The following GCFC2 variants were observed in gnomAD, a reference collection of about 807,000 sequenced individuals.
GCFC2 encodes the protein intron Large complex component GCFC2.
In GCFC2, 102 loss-of-function variants were observed where a neutral mutation model predicts 99.4. That is an observed-to-expected ratio of 1.03 (90% CI 0.87 to 1.21). The LOEUF is 1.21. GCFC2 is among the 50% of genes most tolerant of loss of function. GCFC2 has a pLI of 0.00. For synonymous variants in GCFC2, 338 were observed against 316.8 expected, an observed-to-expected ratio of 1.07 and a Z score of -0.71; for missense variants, 973 against 920.9, an observed-to-expected ratio of 1.06 and a Z score of -0.73.
intron 12 of GCFC2, chr2:75,679,914 T>C (rs922159734): frequency 1.4e-5 from 6 of 416,296 alleles, no homozygotes; most frequent in Admixed American, 8.3e-5. Context: ...TAATTTAAAA[T>C]GATTACCACT....
At position 75,690,058 on chromosome 2, in the gene GCFC2, AC is replaced by A; in HGVS notation, c.1249del (p.Val417CysfsTer23). 1 of 1,605,532 alleles carries A rather than the reference AC, an allele frequency of 6.2e-7. No homozygotes were observed. Among genetic ancestry groups the A allele is most frequent in the African/African-American group, 1.3e-5 (1 of 74,820 alleles). ...SRRTKRRQAR[V>X]LSGNCNHQEG... Reference sequence around the variant, plus strand: ...CTGATGGTTACAATTCCCAGAAAGCACCCTTGCTTGTCTTCTTTTTGTCCTA... The same window carrying A: ...CTGATGGTTACAATTCCCAGAAAGCACCTTGCTTGTCTTCTTTTTGTCCTA... On this transcript the variant is annotated frameshift_variant, in exon 9 of 17. Transcript: ENST00000321027. LOFTEE classifies it high-confidence loss of function.
intron 5 of GCFC2, 32 bp from the exon 6 acceptor site, chr2:75,694,459 T>C: frequency 1.2e-6 from 1 of 862,606 alleles, no homozygotes; most frequent in South Asian, 2.8e-5. Flanking sequence ...TAGTTTATTT[T>C]TCATACTCTT....
chr2:75,702,494 A>G, intron 2 of GCFC2, 71 bp from the exon 3 acceptor site: 1 of 1,205,608 alleles, frequency 8.3e-7, no homozygotes, highest in Non-Finnish European at 1.2e-6. Context: ...ACATTTAAGA[A>G]AAAGAAAAAA....
chr2:75,695,426 T>C (rs1234618735), intron 5 of GCFC2, among the ~76,000 whole-genome samples: 2 of 152,196 alleles, frequency 1.3e-5, no homozygotes, highest in Non-Finnish European at 2.9e-5. Flanking sequence ...CATGATAGTT[T>C]TTTTAAAAAA....
At chr2:75,679,519 G>A (rs1679479501) in intron 12 of GCFC2, among the ~76,000 whole-genome samples, 1 of 152,162 alleles carries the variant, frequency 6.6e-6, no homozygotes, top group Non-Finnish European at 1.5e-5. Context: ...TATGTTCACT[G>A]AATTCAATTC....
At chr2:75,685,347 C>T (rs1432087522) in intron 11 of GCFC2, among the ~76,000 whole-genome samples, 1 of 152,184 alleles carries the variant, frequency 6.6e-6, no homozygotes, top group Non-Finnish European at 1.5e-5. Flanking sequence ...CTTGTTCTTG[C>T]TTTCCCTTTA....
chr2:75,712,600 C>G (rs1016016877), upstream of GCFC2, among the ~76,000 whole-genome samples: 4 of 152,170 alleles, frequency 2.6e-5, no homozygotes, highest in East Asian at 3.8e-4. Context: ...AGTGTGGAAG[C>G]TTTGTTCTTT....
chr2:75,702,216 C>G lies in GCFC2; in HGVS notation c.602G>C (p.Arg201Thr). ...FTLRPQTLRQ[R>T]MAEESISRNE... is the part of the protein sequence containing the mutation. Reference sequence around the variant, plus strand: ...ATCCATACTTGATTCCTCAGCCATCCTTTGTCTAAGTGTTTGAGGTCTTAG... The same window carrying G: ...ATCCATACTTGATTCCTCAGCCATCGTTTGTCTAAGTGTTTGAGGTCTTAG... The change falls in exon 3 of 17, where the codon AGG becomes ACG. Residue 201 changes from arginine (R) to threonine (T), a missense_variant. Arg to Thr is a moderately conservative substitution (Grantham distance 71, BLOSUM62 -1). Coordinates refer to ENST00000321027, the MANE Select transcript of GCFC2 (RefSeq NM_003203.5). 1 of 1,605,752 alleles carries G rather than the reference C, an allele frequency of 6.2e-7. No homozygotes were observed. The highest frequency in any genetic ancestry group is 8.5e-7 in the Non-Finnish European group (1 of 1,172,548).
At chr2:75,691,261 T>G (rs1002186719) in intron 7 of GCFC2, among the ~76,000 whole-genome samples, 3 of 152,210 alleles carry the variant, frequency 2.0e-5, no homozygotes, top group African/African-American at 4.8e-5. Flanking sequence ...AATAATATAT[T>G]GTAAGTTATA....
chr2:75,708,958 A>G (rs1391100877), intron 1 of GCFC2, among the ~76,000 whole-genome samples: 3 of 152,218 alleles, frequency 2.0e-5, no homozygotes, highest in Non-Finnish European at 4.4e-5. Context: ...TACTTCAACC[A>G]AAACAAAATA....
Position 75,701,247 on chromosome 2 carries a change from ATCT to A in GCFC2, c.657_659del (p.Glu219del). Reference sequence around the variant, plus strand: ...GTTGTTCCCAAGTATCTTGCTTTTCATCTTCCTGACTTTCTTCACTTGTTTCTT... The same window carrying A: ...GTTGTTCCCAAGTATCTTGCTTTTCATCCTGACTTTCTTCACTTGTTTCTT... On this transcript the variant is annotated inframe_deletion, in exon 4 of 17. Coordinates refer to ENST00000321027, the MANE Select transcript of GCFC2 (RefSeq NM_003203.5). 1 of 1,609,404 alleles carries A rather than the reference ATCT, an allele frequency of 6.2e-7. No individual in the cohort carries two copies. Among genetic ancestry groups the A allele is most frequent in the South Asian group, 1.1e-5 (1 of 90,972 alleles).
intron 5 of GCFC2, among the ~76,000 whole-genome samples, chr2:75,694,713 GC>G (rs1328346714): frequency 2.0e-5 from 3 of 152,042 alleles, no homozygotes; most frequent in Non-Finnish European, 4.4e-5. Flanking sequence ...TGTATAGTAG[GC>G]ATTATTAATA....
chr2:75,664,700 A>G lies in GCFC2; in HGVS notation c.2312T>C (p.Leu771Pro), dbSNP rs769876031. The change falls in exon 17 of 17, where the codon CTA becomes CCA. Residue 771 changes from leucine (L) to proline (P), a missense_variant. Coordinates refer to ENST00000321027, the MANE Select transcript of GCFC2 (RefSeq NM_003203.5). ...QAESFIGEHH[L>P]DHLKSLIKED ...TTTAATTAGTGATTTAAGATGGTCT[A>G]GGTGATGCTCTCCTATGAAGGATTC... 1 of 1,523,454 alleles carries G rather than the reference A, an allele frequency of 6.6e-7. No homozygotes were observed. The highest frequency in any genetic ancestry group is 9.1e-7 in the Non-Finnish European group (1 of 1,099,072). 94.4% of individuals were successfully genotyped at this position (1,523,454 alleles called of 1,614,324 possible).
chr2:75,682,646 C>G (rs1679631741), intron 11 of GCFC2, among the ~76,000 whole-genome samples: 1 of 151,628 alleles, frequency 6.6e-6, no homozygotes, highest in African/African-American at 2.4e-5. Context: ...ACAAACTCCT[C>G]TGAGCTAAAG....
chr2:75,671,496 C>T (rs1282647291), intron 14 of GCFC2, among the ~76,000 whole-genome samples: 2 of 152,310 alleles, frequency 1.3e-5, no homozygotes, highest in East Asian at 3.9e-4. Flanking sequence ...AATGCTTCCT[C>T]CCAAACATTG....
intron 8 of GCFC2, among the ~76,000 whole-genome samples, chr2:75,690,323 T>A (rs1403966511): frequency 6.6e-6 from 1 of 152,144 alleles, no homozygotes. Flanking sequence ...TATAAGACAT[T>A]CCCATTTAGG....
At chr2:75,709,089 T>C (rs1238568804) in intron 1 of GCFC2, among the ~76,000 whole-genome samples, 1 of 152,252 alleles carries the variant, frequency 6.6e-6, no homozygotes, top group East Asian at 1.9e-4. Context: ...TTTGGGGTAA[T>C]ACTTTTCACA....
intron 2 of GCFC2, among the ~76,000 whole-genome samples, chr2:75,702,833 C>T (rs971157947): frequency 6.6e-6 from 1 of 152,146 alleles, no homozygotes; most frequent in African/African-American, 2.4e-5. Context: ...GGATCAATGA[C>T]AGACCAGCCT....
Position 75,693,987 on chromosome 2 carries a change from A to G in GCFC2, c.1020+254T>C, listed in dbSNP as rs542579427. On this transcript the variant is annotated intron_variant, in intron 6 of 16. Transcript: ENST00000321027. ...ATTCATTTTATTTGACTTCATTTTC[A>G]AGGAATTTTCCTTAAACAGAAGAAA... Among the ~76,000 whole-genome samples the G allele has an allele frequency of 5.9e-5, 9 of 152,112 alleles. No individual in the cohort carries two copies. The East Asian group carries it at 1.5e-3, about 26-fold the overall frequency.
Sources: allele counts gnomAD v4.1 joint callset (sites outside exome capture counted in the v4.1 genomes callset), GRCh38; gene constraint gnomAD v4.1.1; transcripts MANE v1.5; gene names NCBI Gene and HGNC (gene_info 2026-07-23, HGNC 2026-07-21).